HR: variants seen among roughly 807,000 people sequenced by gnomAD.
The protein encoded by HR is HR lysine demethylase and nuclear receptor corepressor.
In HR, 83 loss-of-function variants were observed where a neutral mutation model predicts 128.6. The observed-to-expected ratio is 0.65, with a 90% CI of 0.54 to 0.77. HR has a LOEUF of 0.77. Among genes scored for constraint, HR ranks in the 30% least tolerant of loss-of-function variants. HR has a pLI of 0.00. For synonymous variants in HR, 681 were observed against 658.2 expected (o/e 1.03, Z -0.53); for missense variants, 1,490 against 1,574.6 (o/e 0.95, Z 0.91).
At position 22,119,234 on chromosome 8, in the gene HR, C is replaced by T; in HGVS notation, c.3027G>A (p.Glu1009=). 2 of 1,613,854 alleles carry T rather than the reference C, an allele frequency of 1.2e-6. No individual in the cohort carries two copies. The highest frequency in any genetic ancestry group is 1.7e-6 in the Non-Finnish European group (2 of 1,180,028). The change falls in exon 15 of 19, where the codon GAG becomes GAA. Residue 1009 remains glutamate (E), a synonymous_variant. Coordinates refer to ENST00000381418, the MANE Select transcript of HR (RefSeq NM_005144.5). ...GHLGTKNLCV[E]VADLVSILVH... ...CCAGGATGCTGACCAGGTCGGCCACCTCCACACAGAGGTTCTTGGTCCCCA... is the reference window on the plus strand; with the variant it reads ...CCAGGATGCTGACCAGGTCGGCCACTTCCACACAGAGGTTCTTGGTCCCCA...
Position 22,128,549 on chromosome 8 carries a change from C to A in HR, c.612+10G>T. The A allele has an allele frequency of 6.2e-7, 1 of 1,611,610 alleles. No homozygotes were observed. Among genetic ancestry groups the A allele is most frequent in the Non-Finnish European group, 8.5e-7 (1 of 1,179,548 alleles). ...AGAGCCACAGGTACCCTCTCTGCCC[C>A]TGCACTCACCTTGCTGCCTAAGCTG... On this transcript the variant is annotated intron_variant, in intron 2 of 18. Coordinates refer to ENST00000381418, the MANE Select transcript of HR (RefSeq NM_005144.5).
chr8:22,126,947 C>T (rs1826906013), intron 3 of HR, 90 bp downstream of exon 3: 4 of 1,332,896 alleles, frequency 3.0e-6, no homozygotes, highest in Non-Finnish European at 3.1e-6. Context: ...GTGGTCCACT[C>T]ATAAAGCCTA....
rs1307940286 is a variant in HR, at chr8:22,127,077, C to G, written c.1365G>C (p.Gly455=). ...GWQEVRDTSI[G]NKDVDSGQHD... is the part of the protein sequence containing the mutation. ...GCTGTCCCGAGTCCACATCCTTGTT[C>G]CCTATCGATGTGTCCCGCACCTCCT... The change falls in exon 3 of 19, where the codon GGG becomes GGC. Residue 455 remains glycine, a synonymous_variant. Coordinates refer to ENST00000381418, the MANE Select transcript of HR (RefSeq NM_005144.5). 2 of 1,612,232 alleles carry G rather than the reference C, an allele frequency of 1.2e-6. No individual in the cohort carries two copies. Among genetic ancestry groups the G allele is most frequent in the Non-Finnish European group, 1.7e-6 (2 of 1,179,596 alleles).
chr8:22,118,820 T>C (rs1826656636), intron 16 of HR, 130 bp downstream of exon 16: 2 of 742,700 alleles, frequency 2.7e-6, no homozygotes, highest in Admixed American at 2.2e-5. Context: ...TCTGTGCGAG[T>C]TGGGTCTGTG....
intron 6 of HR, 29 bp downstream of exon 6, chr8:22,123,620 C>CCA: frequency 3.4e-6 from 1 of 293,782 alleles, no homozygotes; most frequent in Non-Finnish European, 6.7e-6. Context: ...GGCTCCATCC[C>CCA]GCCCTCCCAC....
chr8:22,115,184 C>T lies in HR; in HGVS notation c.*516G>A, dbSNP rs1451163260. 1.1e-5 allele frequency: 2 copies of T among 188,186 alleles called. No homozygotes were observed. Among genetic ancestry groups the T allele is most frequent in the East Asian group, 1.5e-4 (1 of 6,880 alleles). 11.7% of individuals were successfully genotyped at this position (188,186 alleles called of 1,614,324 possible). A position where few individuals can be genotyped will look rare whatever the true frequency, so the allele number is the denominator to read the frequency against. ...CGCCAAGCCTGAGCAGCTCCTGATG[C>T]CACCCTCTCCTCACACTCCCCAGAT... On this transcript the variant is annotated 3_prime_UTR_variant, in exon 19 of 19. Coordinates refer to ENST00000381418, the MANE Select transcript of HR (RefSeq NM_005144.5).
chr8:22,127,275 C>T lies in HR; in HGVS notation c.1167G>A (p.Glu389=). Residue 389 remains glutamate, a synonymous_variant, in exon 3 of 19, where the codon GAG becomes GAA. Coordinates refer to ENST00000381418, the MANE Select transcript of HR (RefSeq NM_005144.5). ...LKKTWLTRHS[E]QFECPRGCPE... ...GGCAGCCGCGTGGACATTCAAACTG[C>T]TCCGAGTGCCGTGTGAGCCATGTCT... 2 of 1,613,236 alleles carry T rather than the reference C, an allele frequency of 1.2e-6. No homozygotes were observed. The highest frequency in any genetic ancestry group is 1.7e-6 in the Non-Finnish European group (2 of 1,180,004).
rs780702208 is a variant in HR, at chr8:22,125,490, C to T, written c.1571G>A (p.Gly524Glu). ...SQQVRRSPLGGELQQEEDTAT... is the reference protein window; with the variant it reads ...SQQVRRSPLGEELQQEEDTAT... Reference sequence around the variant, plus strand: ...TGTGTCTTCCTCCTGCTGCAGCTCCCCTCCCAGAGGCGATCTGGAGAGAGG... The same window carrying T: ...TGTGTCTTCCTCCTGCTGCAGCTCCTCTCCCAGAGGCGATCTGGAGAGAGG... The change falls in exon 5 of 19, where the codon GGG becomes GAG. Residue 524 changes from glycine to glutamate, a missense_variant. By Grantham distance (98) the Gly-to-Glu change is moderately conservative. This residue lies in a region of HR where 1,060 missense variants were observed against 1,060.9 expected (regional missense o/e 1.00). Transcript: ENST00000381418. 1.1e-5 allele frequency: 17 copies of T among 1,613,508 alleles called. No individual in the cohort carries two copies. The East Asian group carries it at 3.8e-4, about 36-fold the overall frequency.
chr8:22,116,561 G>T lies in HR; in HGVS notation c.3379-133C>A. Reference sequence around the variant, plus strand: ...GCTCTCAGAGAGCAGATTCCTGGATGCACCACTGGACACCTCAAAGCCTGT... The same window carrying T: ...GCTCTCAGAGAGCAGATTCCTGGATTCACCACTGGACACCTCAAAGCCTGT... On this transcript the variant is annotated intron_variant, in intron 17 of 18. Transcript: ENST00000381418. The surrounding 1 kb of genome is among the most constrained non-coding windows in gnomAD (Gnocchi z 4.2). 1.5e-6 allele frequency: 2 copies of T among 1,325,628 alleles called. No individual in the cohort carries two copies. The highest frequency in any genetic ancestry group is 2.1e-6 in the Non-Finnish European group (2 of 951,158). The allele number at this position is 1,325,628 out of a possible 1,614,324, so 82.1% of individuals were successfully genotyped here. A position where few individuals can be genotyped will look rare whatever the true frequency, so the allele number is the denominator to read the frequency against.
Position 22,116,302 on chromosome 8 carries a change from G to C in HR, c.3505C>G (p.Gln1169Glu), listed in dbSNP as rs1285742068. The C allele has an allele frequency of 6.2e-7, 1 of 1,611,978 alleles. No individual in the cohort carries two copies. Among genetic ancestry groups the C allele is most frequent in the Admixed American group, 1.7e-5 (1 of 59,974 alleles). ...CTGCTGGCCCACATCCCACTCACCT[G>C]GGCATAAAGCAGGTGGCAGTCAGGG... is the stretch of plus-strand genomic sequence containing the variant. Reference protein sequence around the residue: ...LPPDCHLLYAQMDWAVFQAVK... With the variant: ...LPPDCHLLYAEMDWAVFQAVK... Residue 1169 changes from glutamine to glutamate, a missense_variant and splice_region_variant, in exon 18 of 19, where the codon CAG becomes GAG. Around this residue, in one of 3 missense-constraint regions of HR, gnomAD observed 423 missense variants for 495.9 expected, o/e 0.85. Transcript: ENST00000381418. The surrounding 1 kb of genome is among the most constrained non-coding windows in gnomAD (Gnocchi z 4.2).
rs567273155 is a variant in HR, at chr8:22,129,042, C to T, written c.129G>A (p.Leu43=). ...RDGLHHGPLC[L]GEPAPFWRGV... ...CCCTCCAAAAGGGAGCAGGCTCTCC[C>T]AGGCACAGCGGCCCATGGTGCAGTC... Residue 43 remains leucine, a synonymous_variant, in exon 2 of 19, where the codon CTG becomes CTA. Coordinates refer to ENST00000381418, the MANE Select transcript of HR (RefSeq NM_005144.5). 2 of 1,603,518 alleles carry T rather than the reference C, an allele frequency of 1.2e-6. No homozygotes were observed. Among genetic ancestry groups the T allele is most frequent in the Middle Eastern group, 1.7e-4 (1 of 6,010 alleles).
In HR at chr8:22,116,463, A is replaced by C. The variant is rs774645701; in HGVS notation, c.3379-35T>G. Reference sequence around the variant, plus strand: ...GGGGACATGGACAGTGAGGCTCAAGATCACACATCCTCTCCCTGTCCCCCT... The same window carrying C: ...GGGGACATGGACAGTGAGGCTCAAGCTCACACATCCTCTCCCTGTCCCCCT... On this transcript the variant is annotated intron_variant, in intron 17 of 18. Coordinates refer to ENST00000381418, the MANE Select transcript of HR (RefSeq NM_005144.5). This position sits in a 1 kb window ranked among gnomAD's most constrained non-coding sequence, Gnocchi z 4.2. 1 of 1,608,304 alleles carries C rather than the reference A, an allele frequency of 6.2e-7. No individual in the cohort carries two copies. The highest frequency in any genetic ancestry group is 8.5e-7 in the Non-Finnish European group (1 of 1,177,398).
In HR at chr8:22,125,669, A is replaced by C. The variant is rs138006057; in HGVS notation, c.1469T>G (p.Leu490Arg). 756 of 1,613,642 alleles carry C rather than the reference A, an allele frequency of 4.7e-4. No homozygotes were observed. Among genetic ancestry groups the C allele is most frequent in the Non-Finnish European group, 6.2e-4 (734 of 1,179,970 alleles). Reference protein sequence around the residue: ...PGLQDIPCLALPAKLAQCQSC... With the variant: ...PGLQDIPCLARPAKLAQCQSC... ...TTGGCATTGAGCCAGTTTTGCAGGG[A>C]GAGCCAGGCATGGTATGTCCTGAAG... The change falls in exon 4 of 19, where the codon CTC becomes CGC. Residue 490 changes from leucine (L) to arginine (R), a missense_variant. Physicochemically the swap from Leu to Arg is moderately radical, Grantham distance 102 (BLOSUM62 -2). Around this residue, in one of 3 missense-constraint regions of HR, gnomAD observed 1,060 missense variants for 1,060.9 expected, o/e 1.00. Coordinates refer to ENST00000381418, the MANE Select transcript of HR (RefSeq NM_005144.5).
intron 2 of HR, 85 bp downstream of exon 2, chr8:22,128,474 C>T (rs1325420592): frequency 1.3e-6 from 2 of 1,567,958 alleles, no homozygotes; most frequent in Admixed American, 3.6e-5. Flanking sequence ...CTTCTCTTTT[C>T]ATCACAGTGG....
At chr8:22,120,224 G>A (rs1388982658) in intron 12 of HR, 51 bp from the exon 13 acceptor site, 11 of 1,596,922 alleles carry the variant, frequency 6.9e-6, no homozygotes, top group Admixed American at 1.8e-5. Context: ...TGAAGCCCCT[G>A]CCCCGGCGGC....
chr8:22,123,028 C>CA, intron 6 of HR, 149 bp from the exon 7 acceptor site: 1 of 742,754 alleles, frequency 1.3e-6, no homozygotes, highest in East Asian at 2.7e-5. Context: ...CACATAGAGA[C>CA]ACAGCATTCT....
intron 8 of HR, 75 bp downstream of exon 8, chr8:22,122,417 AG>A (rs780944076): frequency 3.4e-5 from 34 of 1,010,702 alleles, no homozygotes; most frequent in Non-Finnish European, 4.5e-5. Context: ...CACCAAGAAA[AG>A]GGGGGGCCAA....
intron 6 of HR, 51 bp from the exon 7 acceptor site, chr8:22,122,930 A>G (rs1164196142): frequency 4.6e-6 from 7 of 1,514,892 alleles, no homozygotes; most frequent in Non-Finnish European, 6.3e-6. Flanking sequence ...AGGTAATCAC[A>G]GGTTAAGGTC....
At chr8:22,122,116 A>T (rs1413955623) in intron 8 of HR, among the ~76,000 whole-genome samples, 2 of 152,218 alleles carry the variant, frequency 1.3e-5, no homozygotes, top group Non-Finnish European at 2.9e-5. Flanking sequence ...CAGAATGCAC[A>T]TTGAGCGCCT....
Sources: allele counts gnomAD v4.1 joint callset (sites outside exome capture counted in the v4.1 genomes callset), GRCh38; gene constraint gnomAD v4.1.1; regional missense constraint gnomAD v4.1.1; non-coding constraint Gnocchi (gnomAD v3.1); transcripts MANE v1.5; gene names NCBI Gene and HGNC (gene_info 2026-07-23, HGNC 2026-07-21).